KIF6: variants seen among roughly 807,000 people sequenced by gnomAD.
KIF6 encodes kinesin family member 6.
A neutral mutation model predicts 112.7 loss-of-function variants in KIF6; 106 were observed. The observed-to-expected ratio is 0.94, with a 90% CI of 0.80 to 1.11. KIF6 has a LOEUF of 1.11. Among genes scored for constraint, KIF6 ranks in the 50% least tolerant of loss-of-function variants. KIF6 has a pLI of 0.00. For missense variants in KIF6, 929 were observed against 964.0 expected, an observed-to-expected ratio of 0.96 and a Z score of 0.48; for synonymous variants, 339 against 339.9, an observed-to-expected ratio of 1.00 and a Z score of 0.03.
chr6:39,658,185 A>C (rs747606680), intron 3 of KIF6, among the ~76,000 whole-genome samples: 8 of 152,218 alleles, frequency 5.3e-5, no homozygotes, highest in Non-Finnish European at 1.2e-4. Context: ...ATATATACAC[A>C]GTCCAAATTC....
At chr6:39,682,507 G>A (rs1195492761) in intron 3 of KIF6, among the ~76,000 whole-genome samples, 2 of 152,188 alleles carry the variant, frequency 1.3e-5, no homozygotes, top group South Asian at 2.1e-4. Context: ...TGATCTAAAC[G>A]TCCTTATGCA....
chr6:39,471,816 C>G (rs1774131045), intron 13 of KIF6, among the ~76,000 whole-genome samples: 2 of 152,184 alleles, frequency 1.3e-5, no homozygotes, highest in South Asian at 2.1e-4. Flanking sequence ...GATGATATAG[C>G]ATGACCTTCT....
intron 15 of KIF6, among the ~76,000 whole-genome samples, chr6:39,412,998 T>G (rs1290072673): frequency 6.6e-6 from 1 of 152,114 alleles, no homozygotes; most frequent in Non-Finnish European, 1.5e-5. Context: ...GTTTTAATAA[T>G]AGATTGTGTT....
intron 18 of KIF6, among the ~76,000 whole-genome samples, chr6:39,358,191 G>A (rs1045367737): frequency 1.3e-5 from 2 of 152,222 alleles, no homozygotes; most frequent in South Asian, 2.1e-4. Flanking sequence ...CCTGGAACGT[G>A]AGTGCATACA....
At chr6:39,466,850 C>T (rs1773820563) in intron 13 of KIF6, among the ~76,000 whole-genome samples, 1 of 152,186 alleles carries the variant, frequency 6.6e-6, no homozygotes, top group African/African-American at 2.4e-5. Context: ...GCCAAGAATA[C>T]CAGGTCTCGA....
chr6:39,364,885 T>C (rs532561412), intron 16 of KIF6, among the ~76,000 whole-genome samples: 2 of 152,298 alleles, frequency 1.3e-5, no homozygotes, highest in East Asian at 3.9e-4. Context: ...CCAGACAGCC[T>C]CCCCAACACT....
chr6:39,577,657 G>C (rs1009291256), intron 10 of KIF6, among the ~76,000 whole-genome samples: 3 of 152,204 alleles, frequency 2.0e-5, no homozygotes, highest in Admixed American at 1.3e-4. Flanking sequence ...CTTTGGCATG[G>C]GATAAATTGG....
At chr6:39,569,228 G>C (rs947306661) in intron 10 of KIF6, among the ~76,000 whole-genome samples, 38 of 152,198 alleles carry the variant, frequency 2.5e-4, no homozygotes, top group African/African-American at 9.2e-4. Context: ...CCAGAATTAA[G>C]TACTGACAAG....
At chr6:39,710,480 A>AC (rs1789484529) in intron 3 of KIF6, among the ~76,000 whole-genome samples, 2 of 151,814 alleles carry the variant, frequency 1.3e-5, no homozygotes, top group African/African-American at 4.8e-5. Context: ...AAAAAAAAAA[A>AC]AACCCAGTGT....
chr6:39,543,395 GA>G (rs1028981970), intron 12 of KIF6, among the ~76,000 whole-genome samples: 6 of 151,972 alleles, frequency 3.9e-5, no homozygotes, highest in Admixed American at 2.6e-4. Flanking sequence ...GGTGGGGGGG[GA>G]TTCTCAGCTG....
rs1313458535 is a variant in KIF6 at position 39,335,847 on chromosome 6, T to C, written c.*685A>G. 6.6e-6 allele frequency: 1 copy of C among 152,372 alleles called. No homozygotes were observed. Among genetic ancestry groups the C allele is most frequent in the Non-Finnish European group, 1.5e-5 (1 of 68,178 alleles). 9.4% of individuals were successfully genotyped at this position (152,372 alleles called of 1,614,324 possible). A position where few individuals can be genotyped will look rare whatever the true frequency, so the allele number is the denominator to read the frequency against. On this transcript the variant is annotated 3_prime_UTR_variant, in exon 23 of 23. Transcript: ENST00000287152. ...TCTCTCAAGCTCTCAGCAGAGCCCC[T>C]GGGAGCTGCCCACTGTTCTCTGGGT...
chr6:39,627,925 T>C (rs879326468), intron 5 of KIF6, among the ~76,000 whole-genome samples: 6 of 152,172 alleles, frequency 3.9e-5, no homozygotes, highest in Admixed American at 6.6e-5. Context: ...CTTTCAAAAA[T>C]AGAATTTCTA....
At chr6:39,544,746 GTTTC>G (rs1778977729) in intron 11 of KIF6, 53 bp from the exon 12 acceptor site, 1 of 1,144,838 alleles carries the variant, frequency 8.7e-7, no homozygotes, top group African/African-American at 1.6e-5. Flanking sequence ...AAATTTCTTT[GTTTC>G]TTTGACTCTT....
intron 19 of KIF6, among the ~76,000 whole-genome samples, chr6:39,349,908 G>C (rs1764107358): frequency 6.6e-6 from 1 of 152,092 alleles, no homozygotes; most frequent in African/African-American, 2.4e-5. Context: ...GCCTCCCAAA[G>C]TGCTGGGATT....
chr6:39,457,324 A>G (rs1484350383), intron 13 of KIF6, among the ~76,000 whole-genome samples: 15 of 148,882 alleles, frequency 1.0e-4, no homozygotes, highest in East Asian at 5.9e-4. Flanking sequence ...GAAACCAACG[A>G]GAACAAAGAC....
At chr6:39,568,401 G>A (rs1780437878) in intron 10 of KIF6, among the ~76,000 whole-genome samples, 1 of 152,168 alleles carries the variant, frequency 6.6e-6, no homozygotes, top group African/African-American at 2.4e-5. Context: ...AGTTGCCACA[G>A]GCTAGGCCAT....
At chr6:39,383,819 A>G (rs1353010886) in intron 16 of KIF6, among the ~76,000 whole-genome samples, 1 of 152,218 alleles carries the variant, frequency 6.6e-6, no homozygotes, top group Non-Finnish European at 1.5e-5. Flanking sequence ...TGTGTTGTCT[A>G]TGATTTCTTC....
At position 39,509,654 on chromosome 6, in the gene KIF6, A is replaced by C. The variant is rs540018259; in HGVS notation, c.1645+30349T>G. On this transcript the variant is annotated intron_variant, in intron 13 of 22. Coordinates refer to ENST00000287152, the MANE Select transcript of KIF6 (RefSeq NM_145027.6). ...CAGTGATTGAAGATCAAATTAATGAAATAAAGCATGAAGACAAGAATAGAG... is the reference window on the plus strand; with the variant it reads ...CAGTGATTGAAGATCAAATTAATGACATAAAGCATGAAGACAAGAATAGAG... Among the ~76,000 whole-genome samples the C allele has an allele frequency of 2.6e-5, 4 of 152,308 alleles. 1 individual carries two copies. The South Asian group carries it at 8.3e-4, about 32-fold the overall frequency.
chr6:39,342,308 G>C lies in KIF6; in HGVS notation c.2428+1401C>G, dbSNP rs1000698944. ...CAGTTACTGTCTACAACATTACATA[G>C]TTTAGCTATTTCATAGCACTTATTA... On this transcript the variant is annotated intron_variant, in intron 22 of 22. Coordinates refer to ENST00000287152, the MANE Select transcript of KIF6 (RefSeq NM_145027.6). The surrounding 1 kb of genome is among the most constrained non-coding windows in gnomAD (Gnocchi z 4.7). Among the ~76,000 whole-genome samples, 1 of 152,210 alleles carries C rather than the reference G, an allele frequency of 6.6e-6. No homozygotes were observed. The highest frequency in any genetic ancestry group is 2.4e-5 in the African/African-American group (1 of 41,456).
Sources: gnomAD v4.1 joint callset for allele counts (sites outside exome capture counted in the v4.1 genomes callset) on GRCh38, gnomAD v4.1.1 for gene constraint, Gnocchi (gnomAD v3.1) non-coding constraint, MANE v1.5 for transcripts, NCBI Gene and HGNC (gene_info 2026-07-23, HGNC 2026-07-21) for gene names.